Variants in DYSF observed in about 807,000 individuals in gnomAD.
DYSF encodes dystrophy-associated fer-1-like 1.
In DYSF, 212 loss-of-function variants were observed where a neutral mutation model predicts 274.9. That is an observed-to-expected ratio of 0.77 (90% CI 0.69 to 0.86). The LOEUF (loss-of-function observed/expected upper bound fraction) is 0.86, where lower values mean the gene tolerates loss of function less well. DYSF is among the 40% of genes least tolerant of loss of function. The pLI, the probability that DYSF is intolerant of heterozygous loss-of-function variation, is 0.00. For missense variants in DYSF, 2,666 were observed against 2,783.2 expected, an observed-to-expected ratio of 0.96 and a Z score of 0.95; for synonymous variants, 1,091 against 1,078.7, an observed-to-expected ratio of 1.01 and a Z score of -0.22.
chr2:71,590,517 C>T (rs745616373), intron 32 of DYSF, among the ~76,000 whole-genome samples: 1 of 152,172 alleles, frequency 6.6e-6, no homozygotes, highest in Non-Finnish European at 1.5e-5. Context: ...TTCCTGAAAG[C>T]CCCTTGGCCT....
At chr2:71,584,090 G>A (rs2092984928) in intron 30 of DYSF, among the ~76,000 whole-genome samples, 1 of 151,786 alleles carries the variant, frequency 6.6e-6, no homozygotes, top group Admixed American at 6.6e-5. Context: ...CCTGGGAGTT[G>A]CGGTGGCATG....
intron 30 of DYSF, among the ~76,000 whole-genome samples, chr2:71,583,419 C>G (rs1230956546): frequency 6.6e-6 from 1 of 152,190 alleles, no homozygotes; most frequent in Non-Finnish European, 1.5e-5. Context: ...CCACACCCAT[C>G]TGCTTGACTC....
chr2:71,592,659 C>T (rs1398174557), intron 32 of DYSF, among the ~76,000 whole-genome samples: 1 of 152,224 alleles, frequency 6.6e-6, no homozygotes, highest in Non-Finnish European at 1.5e-5. Context: ...GTCACTGGTG[C>T]AGCTTCCAGC....
chr2:71,663,240 T>A (rs2094934309), intron 45 of DYSF, among the ~76,000 whole-genome samples: 1 of 152,208 alleles, frequency 6.6e-6, no homozygotes, highest in Admixed American at 6.5e-5. Context: ...AGCCGACTTA[T>A]TTTCCTGTGG....
At chr2:71,570,387 A>G (rs2092348897) in intron 28 of DYSF, 53 bp downstream of exon 28, 2 of 1,580,572 alleles carry the variant, frequency 1.3e-6, no homozygotes, top group Non-Finnish European at 1.7e-6. Context: ...CTCTCAAGCC[A>G]TGCTGGTGGG....
At chr2:71,466,291 ACT>A (rs1332412738), upstream of DYSF, among the ~76,000 whole-genome samples, 3 of 151,616 alleles carry the variant, frequency 2.0e-5, no homozygotes, top group African/African-American at 7.3e-5. Flanking sequence ...CCGAAGACAC[ACT>A]CTCGTCCCCG....
rs1320386549 is a variant in DYSF at position 71,470,725 on chromosome 2, CTTCCTTCCTTCT to C, written c.91+3804_91+3815del. Among the ~76,000 whole-genome samples, 37 of 127,788 alleles carry C rather than the reference CTTCCTTCCTTCT, an allele frequency of 2.9e-4. 1 individual carries two copies. The highest frequency in any genetic ancestry group is 8.4e-3 in the Middle Eastern group (2 of 238). The allele number at this position is 127,788 out of a possible 152,430, so 83.8% of individuals were successfully genotyped here. ...AGCTTTCTCTTCTCTTCCTTCTTTC[CTTCCTTCCTTCT>C]TTCCTTCCTTCCTTCCTTCCTTCCT... On this transcript the variant is annotated intron_variant, in intron 1 of 55. Transcript: ENST00000410020.
chr2:71,620,447 G>A, intron 40 of DYSF, 100 bp from the exon 41 acceptor site: 1 of 1,231,646 alleles, frequency 8.1e-7, no homozygotes. Flanking sequence ...AGGAAGAGCA[G>A]AGGGTGCCTG....
intron 51 of DYSF, among the ~76,000 whole-genome samples, chr2:71,671,920 AG>A (rs972544537): frequency 9.2e-5 from 14 of 152,170 alleles, no homozygotes; most frequent in Non-Finnish European, 1.9e-4. Flanking sequence ...CTGATGGCCA[AG>A]AGGGTCTTGG....
At chr2:71,463,317 G>C (rs1297949419), upstream of DYSF, among the ~76,000 whole-genome samples, 1 of 152,246 alleles carries the variant, frequency 6.6e-6, no homozygotes. Flanking sequence ...TGGGTGACTG[G>C]AGTTGGGAGA....
At chr2:71,526,405 T>TGGGGGGGGGGGGGGGGGGGG in intron 13 of DYSF, 59 bp downstream of exon 13, 13 of 370,332 alleles carry the variant, frequency 3.5e-5, no homozygotes, top group East Asian at 1.1e-4. Context: ...GCAGGGCTGG[T>TGGGGGGGGGGGGGGGGGGGG]GGGGGTGGGC....
At chr2:71,528,495 C>A in intron 14 of DYSF, 94 bp downstream of exon 14, 2 of 1,058,254 alleles carry the variant, frequency 1.9e-6, no homozygotes, top group Non-Finnish European at 1.4e-6. Flanking sequence ...AGTGAGATGC[C>A]CCCACCAGAG....
chr2:71,560,345 CG>C (rs759219025), intron 22 of DYSF, among the ~76,000 whole-genome samples: 1 of 149,232 alleles, frequency 6.7e-6, no homozygotes, highest in Non-Finnish European at 1.5e-5. Flanking sequence ...CTGGTTGGCT[CG>C]GCTCTCCCTA....
At chr2:71,540,686 T>A (rs1348325606) in intron 17 of DYSF, among the ~76,000 whole-genome samples, 1 of 150,830 alleles carries the variant, frequency 6.6e-6, no homozygotes, top group Non-Finnish European at 1.5e-5. Flanking sequence ...ATATAACATG[T>A]TTATATAATT....
chr2:71,560,871 C>G (rs796965571), intron 22 of DYSF, among the ~76,000 whole-genome samples: 3 of 152,100 alleles, frequency 2.0e-5, no homozygotes, highest in African/African-American at 7.2e-5. Flanking sequence ...GAGGTGGGGG[C>G]AGGGCAGCCC....
intron 40 of DYSF, among the ~76,000 whole-genome samples, chr2:71,618,651 TGGCAGAGGAG>T (rs2094008767): frequency 1.1e-5 from 1 of 90,400 alleles, no homozygotes; most frequent in Non-Finnish European, 2.4e-5. Context: ...GTGGTGTGTG[TGGCAGAGGAG>T]GTGTGTGTGT....
At chr2:71,666,548 C>A (rs2095014397) in intron 47 of DYSF, among the ~76,000 whole-genome samples, 1 of 152,224 alleles carries the variant, frequency 6.6e-6, no homozygotes, top group Non-Finnish European at 1.5e-5. Flanking sequence ...AAAGCCAAGG[C>A]CTTTGACATA....
chr2:71,646,117 G>T (rs1427763458), intron 42 of DYSF, among the ~76,000 whole-genome samples: 2 of 152,242 alleles, frequency 1.3e-5, no homozygotes, highest in Admixed American at 1.3e-4. Flanking sequence ...GGCACAGGCA[G>T]CAGCAGCTGC....
At chr2:71,505,435 T>C (rs1053493256) in intron 4 of DYSF, among the ~76,000 whole-genome samples, 2 of 152,208 alleles carry the variant, frequency 1.3e-5, no homozygotes, top group African/African-American at 4.8e-5. Context: ...AAGAACCTGC[T>C]GATGGGGTGA....
Sources: allele counts gnomAD v4.1 joint callset (sites outside exome capture counted in the v4.1 genomes callset), GRCh38; gene constraint gnomAD v4.1.1; transcripts MANE v1.5; gene names NCBI Gene and HGNC (gene_info 2026-07-23, HGNC 2026-07-21).